The following SUN3 variants were observed in gnomAD, a reference collection of about 807,000 sequenced individuals.
The protein encoded by SUN3 is SUN domain-containing protein 3.
SUN3 carries 36 observed loss-of-function variants against 48.2 expected under a neutral mutation model. That is an observed-to-expected ratio of 0.75 (90% confidence interval 0.57 to 0.99). The LOEUF (loss-of-function observed/expected upper bound fraction) is 0.99. Among genes scored for constraint, SUN3 ranks in the 50% least tolerant of loss-of-function variants. The pLI, the probability that SUN3 is intolerant of heterozygous loss-of-function variation, is 0.00. For synonymous variants in SUN3, 148 were observed against 147.9 expected, an observed-to-expected ratio of 1.00 and a Z score of 0.00; for missense variants, 419 against 433.1, an observed-to-expected ratio of 0.97 and a Z score of 0.29.
intron 6 of SUN3, among the ~76,000 whole-genome samples, chr7:48,000,678 C>A (rs7807654): frequency 0.43 from 65,635 of 151,866 alleles, 14,401 homozygotes; most frequent in Middle Eastern, 0.55. Context: ...TTAAACATGT[C>A]GTTTCCTTCT....
chr7:47,997,452 C>A (rs1583749675), intron 6 of SUN3, among the ~76,000 whole-genome samples: 1 of 152,116 alleles, frequency 6.6e-6, no homozygotes, highest in East Asian at 1.9e-4. Context: ...AATGTGGGGA[C>A]TGAATACCCC....
intron 1 of SUN3, among the ~76,000 whole-genome samples, chr7:48,028,479 C>CAAAA (rs55997019): frequency 2.2e-5 from 1 of 45,258 alleles, no homozygotes; most frequent in Non-Finnish European, 3.5e-5. Flanking sequence ...AGCCCAATGA[C>CAAAA]AAAAAAAAAA....
chr7:48,026,428 G>A (rs570408976), intron 1 of SUN3, among the ~76,000 whole-genome samples: 6 of 152,000 alleles, frequency 3.9e-5, no homozygotes, highest in Non-Finnish European at 7.4e-5. Flanking sequence ...CTGTGTTGAA[G>A]TACAGTATGC....
At chr7:47,991,610 A>T (rs1237527297) in intron 8 of SUN3, among the ~76,000 whole-genome samples, 1 of 152,088 alleles carries the variant, frequency 6.6e-6, no homozygotes, top group Non-Finnish European at 1.5e-5. Context: ...ACAAAACAAA[A>T]CAAAACAAAA....
chr7:48,005,011 C>T (rs1299005117), intron 6 of SUN3, among the ~76,000 whole-genome samples: 1 of 152,206 alleles, frequency 6.6e-6, no homozygotes, highest in African/African-American at 2.4e-5. Flanking sequence ...ACAGAGAAGC[C>T]CGAGCATTTC....
At chr7:48,035,456 C>T in the SUN3 span, 59 of 692,318 alleles carry the variant, frequency 8.5e-5, no homozygotes, top group East Asian at 1.5e-3. This position sits in a 1 kb window ranked among gnomAD's most constrained non-coding sequence, Gnocchi z 4.0. Context: ...TATTGGCTGA[C>T]AGTGCTCCAG....
chr7:48,019,977 C>CAAAAAAAAAAA (rs869166401), intron 2 of SUN3, among the ~76,000 whole-genome samples: 61 of 64,044 alleles, frequency 9.5e-4, no homozygotes, highest in East Asian at 2.5e-3. Context: ...AAAGACACAT[C>CAAAAAAAAAAA]AAAAAAAAAA....
intron 8 of SUN3, 114 bp downstream of exon 8, chr7:47,994,201 A>G: frequency 1.1e-6 from 1 of 933,598 alleles, no homozygotes; most frequent in Non-Finnish European, 1.6e-6. Context: ...GCAGAAGTCC[A>G]GGAAATAAGT....
intron 3 of SUN3, among the ~76,000 whole-genome samples, chr7:48,011,372 GATA>G (rs1434299193): frequency 6.6e-6 from 1 of 152,188 alleles, no homozygotes; most frequent in Non-Finnish European, 1.5e-5. Context: ...TGTCATGTGT[GATA>G]ATGATGTCAG....
At chr7:48,025,134 G>A (rs547463623) in intron 2 of SUN3, among the ~76,000 whole-genome samples, 1 of 152,094 alleles carries the variant, frequency 6.6e-6, no homozygotes, top group Non-Finnish European at 1.5e-5. Flanking sequence ...ATTCACAATA[G>A]CCTAAAGATA....
At chr7:48,025,037 A>G (rs1790097302) in intron 2 of SUN3, among the ~76,000 whole-genome samples, 1 of 152,166 alleles carries the variant, frequency 6.6e-6, no homozygotes, top group Admixed American at 6.5e-5. Context: ...GTTCCTCCCC[A>G]GAAATCTCAT....
intron 6 of SUN3, among the ~76,000 whole-genome samples, chr7:48,002,522 G>A (rs1390504693): frequency 6.6e-6 from 1 of 152,128 alleles, no homozygotes; most frequent in African/African-American, 2.4e-5. Flanking sequence ...TTGGCCACAT[G>A]TGGGTCTTCT....
intron 2 of SUN3, among the ~76,000 whole-genome samples, chr7:48,025,420 T>C (rs1790107937): frequency 6.6e-6 from 1 of 152,136 alleles, no homozygotes; most frequent in Admixed American, 6.5e-5. Context: ...TTTTCCAGTG[T>C]GCTAGGGGTG....
intron 2 of SUN3, among the ~76,000 whole-genome samples, chr7:48,017,817 G>A (rs1458713903): frequency 6.6e-6 from 1 of 152,138 alleles, no homozygotes; most frequent in Admixed American, 6.5e-5. Flanking sequence ...TCCCTGAGGG[G>A]CTGGCACAGA....
intron 9 of SUN3, 24 bp downstream of exon 9, chr7:47,988,764 A>G: frequency 2.0e-6 from 3 of 1,477,040 alleles, no homozygotes; most frequent in Non-Finnish European, 2.8e-6. Context: ...AGCTACTCAT[A>G]TCATTTCCCA....
chr7:47,999,045 AT>A (rs35967231), intron 6 of SUN3, among the ~76,000 whole-genome samples: 7 of 152,166 alleles, frequency 4.6e-5, no homozygotes, highest in Non-Finnish European at 8.8e-5. Flanking sequence ...TCCTGCTGGG[AT>A]TTTAATTAGG....
chr7:48,008,558 C>A (rs1442523538), intron 4 of SUN3, among the ~76,000 whole-genome samples: 1 of 152,048 alleles, frequency 6.6e-6, no homozygotes, highest in Non-Finnish European at 1.5e-5. Context: ...GAAAGCACAC[C>A]TCAGTGTGTA....
Position 47,994,517 on chromosome 7 carries a change from G to T in SUN3, c.694-35C>A, listed in dbSNP as rs770500360. 3 of 1,564,014 alleles carry T rather than the reference G, an allele frequency of 1.9e-6. No homozygotes were observed. The Admixed American group carries it at 6.0e-5, about 31-fold the overall frequency. On this transcript the variant is annotated intron_variant, in intron 7 of 9. Coordinates refer to ENST00000297325, the MANE Select transcript of SUN3 (RefSeq NM_001030019.2). ...AAACACTGAATTAATCTCTTAACTA[G>T]TTATGTGAATCCATTCCCACAATAC...
At chr7:48,031,380 C>T (rs1030012856), upstream of SUN3, among the ~76,000 whole-genome samples, 3 of 152,114 alleles carry the variant, frequency 2.0e-5, no homozygotes, top group African/African-American at 4.8e-5. Context: ...AGATAAACAG[C>T]TAGTGTTGCA....
Sources: allele counts gnomAD v4.1 joint callset (sites outside exome capture counted in the v4.1 genomes callset), GRCh38; gene constraint gnomAD v4.1.1; non-coding constraint Gnocchi (gnomAD v3.1); transcripts MANE v1.5; gene names NCBI Gene and HGNC (gene_info 2026-07-23, HGNC 2026-07-21).